The following RPRD1A variants were observed in gnomAD, a reference collection of about 807,000 sequenced individuals.
RPRD1A encodes the protein regulation of nuclear pre-mRNA domain containing 1A.
A neutral mutation model predicts 37.8 loss-of-function variants in RPRD1A; 9 were observed. The observed-to-expected ratio is 0.24, with a 90% CI of 0.14 to 0.42. The LOEUF (loss-of-function observed/expected upper bound fraction) is 0.42. RPRD1A is among the 10% of genes least tolerant of loss of function. The probability of loss-of-function intolerance (pLI) is 1.00; values close to 1 mark genes in which losing one functional copy is unlikely to be tolerated. For synonymous variants in RPRD1A, 138 were observed against 139.7 expected, an observed-to-expected ratio of 0.99 and a Z score of 0.08; for missense variants, 255 against 371.0, an observed-to-expected ratio of 0.69 and a Z score of 2.57.
chr18:36,010,678 T>C (rs1910122490), intron 6 of RPRD1A, among the ~76,000 whole-genome samples: 1 of 152,200 alleles, frequency 6.6e-6, no homozygotes, highest in East Asian at 1.9e-4. Flanking sequence ...TCAATCATAT[T>C]TGAGAATACT....
Position 36,067,277 on chromosome 18 carries a change from A to G in RPRD1A, c.128T>C (p.Val43Ala). The G allele has an allele frequency of 6.3e-7, 1 of 1,597,610 alleles. No homozygotes were observed. Among genetic ancestry groups the G allele is most frequent in the Non-Finnish European group, 8.5e-7 (1 of 1,172,554 alleles). ...HRKHSRPIVT[V>A]WERELRKAKP... is the part of the protein sequence containing the mutation. ...ACCTTTCCGCAGCTCCCGCTCCCAC[A>G]CGGTGACGATGGGACGCGAGTGTTT... Residue 43 changes from valine to alanine, a missense_variant, in exon 1 of 7, where the codon GTG (valine) becomes GCG (alanine). Val to Ala is a moderately conservative substitution (Grantham distance 64). Around this residue, in one of 2 missense-constraint regions of RPRD1A, gnomAD observed 44 missense variants for 102.1 expected, o/e 0.43. Coordinates refer to ENST00000399022, the MANE Select transcript of RPRD1A (RefSeq NM_018170.5).
chr18:36,040,941 T>C, intron 1 of RPRD1A: 1 of 892,370 alleles, frequency 1.1e-6, no homozygotes. Context: ...TAATTGTCTT[T>C]CAGAATGAAC....
chr18:36,010,987 C>T (rs540892796), intron 6 of RPRD1A, among the ~76,000 whole-genome samples: 36 of 152,264 alleles, frequency 2.4e-4, no homozygotes, highest in African/African-American at 8.2e-4. Context: ...GACCACTGCG[C>T]TATAGACATA....
At chr18:36,014,180 AAAATAAAC>A (rs1225896526) in intron 6 of RPRD1A, among the ~76,000 whole-genome samples, 1 of 152,034 alleles carries the variant, frequency 6.6e-6, no homozygotes, top group Non-Finnish European at 1.5e-5. Flanking sequence ...ATAAATATTA[AAAATAAAC>A]AAATAAAAAA....
intron 4 of RPRD1A, among the ~76,000 whole-genome samples, chr18:36,029,381 G>A (rs1911602893): frequency 6.6e-6 from 1 of 152,126 alleles, no homozygotes; most frequent in South Asian, 2.1e-4. Context: ...GCCCTTGTGA[G>A]TTCCTGTGAC....
chr18:35,992,876 T>A lies in RPRD1A; in HGVS notation c.*275A>T. The A allele has an allele frequency of 3.8e-6, 1 of 260,510 alleles. No homozygotes were observed. Among genetic ancestry groups the A allele is most frequent in the Non-Finnish European group, 7.1e-6 (1 of 139,932 alleles). 16.1% of individuals were successfully genotyped at this position (260,510 alleles called of 1,614,324 possible). On this transcript the variant is annotated 3_prime_UTR_variant, in exon 7 of 7. Transcript: ENST00000399022. ...AAGAGATTTCTCACAAGGCCTTGGA[T>A]CAAAAAAAAAATTTACAAAAAGATC...
chr18:36,021,593 T>C (rs1910998277), intron 6 of RPRD1A, among the ~76,000 whole-genome samples: 1 of 152,156 alleles, frequency 6.6e-6, no homozygotes, highest in Non-Finnish European at 1.5e-5. Context: ...CTAGAAGTGA[T>C]GAAGTTTAGT....
At position 35,991,777 on chromosome 18, in the gene RPRD1A, A is replaced by G. The variant is rs1213296770; in HGVS notation, c.*1374T>C. On this transcript the variant is annotated 3_prime_UTR_variant, in exon 7 of 7. Coordinates refer to ENST00000399022, the MANE Select transcript of RPRD1A (RefSeq NM_018170.5). Reference sequence around the variant, plus strand: ...TAAATGTCTGCCTTCTTCATATGCAATTCATTGTAACTATAATTTCTAATA... The same window carrying G: ...TAAATGTCTGCCTTCTTCATATGCAGTTCATTGTAACTATAATTTCTAATA... 1 of 152,216 alleles carries G rather than the reference A, an allele frequency of 6.6e-6. No individual in the cohort carries two copies. Among genetic ancestry groups the G allele is most frequent in the Non-Finnish European group, 1.5e-5 (1 of 68,030 alleles). The allele number at this position is 152,216 out of a possible 1,614,324, so 9.4% of individuals were successfully genotyped here.
chr18:36,043,838 T>C lies in RPRD1A; in HGVS notation c.152-10001A>G, dbSNP rs199694410. 1.2e-4 allele frequency among the ~76,000 whole-genome samples: 18 copies of C among 152,298 alleles called. 1 individual carries two copies. In the East Asian group the frequency reaches 3.5e-3, roughly 29 times the overall value. On this transcript the variant is annotated intron_variant, in intron 1 of 6. Coordinates refer to ENST00000399022, the MANE Select transcript of RPRD1A (RefSeq NM_018170.5). Reference sequence around the variant, plus strand: ...CAATGAAACAATTATTAAAGTACAGTTGACCCTTCAACAATTGGGGGTAAA... The same window carrying C: ...CAATGAAACAATTATTAAAGTACAGCTGACCCTTCAACAATTGGGGGTAAA...
intron 1 of RPRD1A, among the ~76,000 whole-genome samples, chr18:36,046,613 T>C (rs566799410): frequency 2.6e-5 from 4 of 151,940 alleles, no homozygotes; most frequent in South Asian, 4.2e-4. Context: ...GGTGGATTGC[T>C]TGAGGTCAGG....
At chr18:36,028,721 AC>A (rs1369595241) in intron 4 of RPRD1A, among the ~76,000 whole-genome samples, 5 of 152,230 alleles carry the variant, frequency 3.3e-5, no homozygotes, top group African/African-American at 1.2e-4. Context: ...ACGGGAACCT[AC>A]AAAGAGATTT....
At chr18:36,050,629 A>C (rs1219884168) in intron 1 of RPRD1A, among the ~76,000 whole-genome samples, 1 of 152,128 alleles carries the variant, frequency 6.6e-6, no homozygotes, top group Non-Finnish European at 1.5e-5. Flanking sequence ...CAATAAGTAC[A>C]TGAAACTATG....
intron 1 of RPRD1A, among the ~76,000 whole-genome samples, chr18:36,061,161 T>A (rs1412569197): frequency 6.6e-6 from 1 of 152,156 alleles, no homozygotes; most frequent in Non-Finnish European, 1.5e-5. Context: ...AGAGATGATT[T>A]CCCTCTAACT....
chr18:36,038,593 A>G lies in RPRD1A; in HGVS notation c.152-4756T>C, dbSNP rs1275175853. Among the ~76,000 whole-genome samples, 3 of 152,218 alleles carry G rather than the reference A, an allele frequency of 2.0e-5. No individual in the cohort carries two copies. In the East Asian group the frequency reaches 5.8e-4, roughly 29 times the overall value. ...GGAAATGTGGGATTGGAGCTCTCAC[A>G]TGGGGTCCCCACGAGGCACTGCCTA... On this transcript the variant is annotated intron_variant, in intron 1 of 6. Coordinates refer to ENST00000399022, the MANE Select transcript of RPRD1A (RefSeq NM_018170.5).
intron 1 of RPRD1A, among the ~76,000 whole-genome samples, chr18:36,044,667 G>A (rs746309506): frequency 7.2e-5 from 11 of 151,850 alleles, no homozygotes; most frequent in Non-Finnish European, 1.2e-4. Flanking sequence ...CAGCCTGGAC[G>A]ACAGAGCGAG....
Position 35,991,865 on chromosome 18 carries a change from A to C in RPRD1A, c.*1286T>G, listed in dbSNP as rs1044469147. ...ACATAATTGGCTTGTGGGATTTTCA[A>C]GATGTTTTATTGACTATCTAATTTG... On this transcript the variant is annotated 3_prime_UTR_variant, in exon 7 of 7. Coordinates refer to ENST00000399022, the MANE Select transcript of RPRD1A (RefSeq NM_018170.5). The C allele has an allele frequency of 1.3e-5, 2 of 152,230 alleles. No individual in the cohort carries two copies. Among genetic ancestry groups the C allele is most frequent in the Non-Finnish European group, 1.5e-5 (1 of 68,038 alleles). 9.4% of individuals were successfully genotyped at this position (152,230 alleles called of 1,614,324 possible). A position where few individuals can be genotyped will look rare whatever the true frequency, so the allele number is the denominator to read the frequency against.
chr18:36,049,739 T>A (rs760856799), intron 1 of RPRD1A, among the ~76,000 whole-genome samples: 1 of 152,222 alleles, frequency 6.6e-6, no homozygotes, highest in Admixed American at 6.5e-5. Context: ...TGCTTTCACC[T>A]TTTGGCTGTT....
chr18:35,998,333 G>A (rs1175327138), intron 6 of RPRD1A, among the ~76,000 whole-genome samples: 2 of 151,880 alleles, frequency 1.3e-5, no homozygotes, highest in East Asian at 3.9e-4. Flanking sequence ...TCAAGCATGG[G>A]CAACAAGAAT....
chr18:36,049,318 A>G (rs965033467), intron 1 of RPRD1A, among the ~76,000 whole-genome samples: 1 of 152,180 alleles, frequency 6.6e-6, no homozygotes, highest in Non-Finnish European at 1.5e-5. Context: ...AGGAGAAACT[A>G]ATTTCTTTTT....
Sources: allele counts gnomAD v4.1 joint callset (sites outside exome capture counted in the v4.1 genomes callset), GRCh38; gene constraint gnomAD v4.1.1; regional missense constraint gnomAD v4.1.1; transcripts MANE v1.5; gene names NCBI Gene and HGNC (gene_info 2026-07-23, HGNC 2026-07-21).